Variants in SPAG16 observed in about 807,000 individuals in gnomAD.
SPAG16 encodes sperm associated antigen 16.
A neutral mutation model predicts 80.4 loss-of-function variants in SPAG16; 86 were observed. That is an observed-to-expected ratio of 1.07 (90% confidence interval 0.90 to 1.28). The LOEUF (loss-of-function observed/expected upper bound fraction) is 1.28, where lower values mean the gene tolerates loss of function less well. Among genes scored for constraint, SPAG16 ranks in the 50% most tolerant of loss-of-function variants. The pLI, the probability that SPAG16 is intolerant of heterozygous loss-of-function variation, is 0.00. For missense variants in SPAG16, 870 were observed against 765.3 expected (o/e 1.14, Z -1.61); for synonymous variants, 294 against 265.9 (o/e 1.11, Z -1.03).
At chr2:214,269,427 A>G (rs375083827) in intron 15 of SPAG16, among the ~76,000 whole-genome samples, 92 of 152,054 alleles carry the variant, frequency 6.1e-4, no homozygotes, top group African/African-American at 1.9e-3. Context: ...TGGTGAGCAT[A>G]GAATTGTGTG....
intron 10 of SPAG16, among the ~76,000 whole-genome samples, chr2:213,825,998 C>G (rs1042761383): frequency 5.3e-5 from 8 of 151,748 alleles, no homozygotes; most frequent in Admixed American, 2.0e-4. Context: ...TTGTATGTAT[C>G]TAGGAACTTA....
At chr2:214,123,815 G>A (rs1460870416) in intron 14 of SPAG16, among the ~76,000 whole-genome samples, 4 of 152,012 alleles carry the variant, frequency 2.6e-5, no homozygotes, top group African/African-American at 7.2e-5. Context: ...AGTTCCTGAA[G>A]TGGTGACAAC....
At chr2:213,736,995 C>T (rs2067311670) in intron 10 of SPAG16, among the ~76,000 whole-genome samples, 2 of 152,222 alleles carry the variant, frequency 1.3e-5, no homozygotes, top group African/African-American at 4.8e-5. Context: ...CGTCAGCCAC[C>T]ATGCCCAGCC....
intron 10 of SPAG16, among the ~76,000 whole-genome samples, chr2:213,574,021 C>T (rs558156131): frequency 6.6e-6 from 1 of 152,052 alleles, no homozygotes; most frequent in East Asian, 1.9e-4. Context: ...CAGGTGATGC[C>T]TAAGCTGCTA....
At chr2:213,478,711 A>C (rs2073569716) in intron 9 of SPAG16, among the ~76,000 whole-genome samples, 1 of 152,160 alleles carries the variant, frequency 6.6e-6, no homozygotes, top group Admixed American at 6.5e-5. Flanking sequence ...TTTTGAATGA[A>C]TTAATAAAAA....
At chr2:213,579,651 T>G (rs2060238162) in intron 10 of SPAG16, among the ~76,000 whole-genome samples, 1 of 152,136 alleles carries the variant, frequency 6.6e-6, no homozygotes, top group African/African-American at 2.4e-5. Context: ...TGATTTATCT[T>G]TAGTGTTCTT....
chr2:213,431,190 T>C (rs1345280542), intron 9 of SPAG16, among the ~76,000 whole-genome samples: 1 of 151,798 alleles, frequency 6.6e-6, no homozygotes, highest in African/African-American at 2.4e-5. Context: ...AATGGTAGCA[T>C]AACAGGACTC....
chr2:213,363,405 G>T (rs1467998412), intron 7 of SPAG16, among the ~76,000 whole-genome samples: 1 of 151,820 alleles, frequency 6.6e-6, no homozygotes, highest in African/African-American at 2.4e-5. Context: ...TATTAATAAA[G>T]AAATATTACT....
At chr2:213,953,934 A>G (rs892291321) in intron 12 of SPAG16, among the ~76,000 whole-genome samples, 8 of 152,090 alleles carry the variant, frequency 5.3e-5, no homozygotes, top group African/African-American at 1.9e-4. Context: ...AAATGTCTAA[A>G]TGAATGTTGT....
intron 15 of SPAG16, among the ~76,000 whole-genome samples, chr2:214,380,944 A>G (rs1287560516): frequency 6.6e-6 from 1 of 152,224 alleles, no homozygotes; most frequent in Non-Finnish European, 1.5e-5. Flanking sequence ...CCAATTTGCT[A>G]CTGAATCCAT....
chr2:214,201,003 G>A (rs1407560598), intron 15 of SPAG16, among the ~76,000 whole-genome samples: 2 of 152,190 alleles, frequency 1.3e-5, no homozygotes, highest in Non-Finnish European at 2.9e-5. Flanking sequence ...TGATCCACTG[G>A]ATCAGCTCAG....
At chr2:214,003,644 TG>T (rs2046897076) in intron 12 of SPAG16, among the ~76,000 whole-genome samples, 1 of 152,214 alleles carries the variant, frequency 6.6e-6, no homozygotes, top group East Asian at 1.9e-4. Context: ...ACTGGATTAT[TG>T]TTTTGAGGGG....
chr2:214,136,351 A>G (rs1182676547), intron 14 of SPAG16, among the ~76,000 whole-genome samples: 1 of 152,198 alleles, frequency 6.6e-6, no homozygotes, highest in Non-Finnish European at 1.5e-5. Context: ...GGGCAAGTTT[A>G]ATAACTTAAA....
At chr2:213,764,988 T>C (rs2068855346) in intron 10 of SPAG16, among the ~76,000 whole-genome samples, 1 of 152,184 alleles carries the variant, frequency 6.6e-6, no homozygotes, top group South Asian at 2.1e-4. Context: ...GAAATGTGCC[T>C]TTCTCATCAT....
chr2:214,063,710 A>G (rs2050394517), intron 13 of SPAG16, among the ~76,000 whole-genome samples: 1 of 152,222 alleles, frequency 6.6e-6, no homozygotes, highest in Non-Finnish European at 1.5e-5. Context: ...TGCTTCCTCC[A>G]TATATAAACA....
intron 13 of SPAG16, among the ~76,000 whole-genome samples, chr2:214,105,378 C>G (rs1188401118): frequency 6.6e-6 from 1 of 152,180 alleles, no homozygotes; most frequent in East Asian, 1.9e-4. Context: ...AGGCAACATA[C>G]CAACATTTCC....
intron 15 of SPAG16, among the ~76,000 whole-genome samples, chr2:214,302,362 C>G (rs1036339226): frequency 6.6e-6 from 1 of 152,178 alleles, no homozygotes; most frequent in Non-Finnish European, 1.5e-5. Context: ...ATAATGCCGT[C>G]ATGTAATGAC....
chr2:213,651,740 T>G (rs1405716822), intron 10 of SPAG16, among the ~76,000 whole-genome samples: 1 of 152,208 alleles, frequency 6.6e-6, no homozygotes, highest in East Asian at 1.9e-4. Flanking sequence ...TACACATTAC[T>G]AAGCCACCAC....
intron 9 of SPAG16, among the ~76,000 whole-genome samples, chr2:213,478,750 A>T (rs73986886): frequency 0.014 from 2,157 of 152,262 alleles, 45 homozygotes; most frequent in African/African-American, 0.048. Context: ...AGATTCTGCC[A>T]TATTCCTACT....
Sources: gnomAD v4.1 joint callset for allele counts (sites outside exome capture counted in the v4.1 genomes callset) on GRCh38, gnomAD v4.1.1 for gene constraint, MANE v1.5 for transcripts, NCBI Gene and HGNC (gene_info 2026-07-23, HGNC 2026-07-21) for gene names.